Variants in PLCH1 observed in about 807,000 individuals in gnomAD.
The protein encoded by PLCH1 is 1-phosphatidylinositol 4,5-bisphosphate phosphodiesterase eta-1.
A neutral mutation model predicts 126.7 loss-of-function variants in PLCH1; 60 were observed. The observed-to-expected ratio is 0.47, with a 90% CI of 0.38 to 0.59. PLCH1 has a LOEUF of 0.59. Among genes scored for constraint, PLCH1 ranks in the 20% least tolerant of loss-of-function variants. The pLI is 0.00. For missense variants in PLCH1, 1,723 were observed against 2,040.0 expected, an observed-to-expected ratio of 0.84 and a Z score of 2.99; for synonymous variants, 719 against 734.9, an observed-to-expected ratio of 0.98 and a Z score of 0.35.
intron 1 of PLCH1, among the ~76,000 whole-genome samples, chr3:155,706,463 T>C (rs1746679363): frequency 6.6e-6 from 1 of 151,510 alleles, no homozygotes; most frequent in South Asian, 2.1e-4. Flanking sequence ...CTACTAAAAA[T>C]ACAAAAATTA....
At chr3:155,659,302 CTTTTTTTTTTTTTTTTTTTTTTTTTTTTT>C (rs753258422) in intron 2 of PLCH1, among the ~76,000 whole-genome samples, 20 of 30,848 alleles carry the variant, frequency 6.5e-4, no homozygotes, top group Non-Finnish European at 1.2e-3. Flanking sequence ...CTATTCACTT[CTTTTTTTTTTTTTTTTTTTTTTTTTTTTT>C]TTTTTTTTTT....
At chr3:155,488,179 T>C in intron 20 of PLCH1, 72 bp from the exon 21 acceptor site, 1 of 797,160 alleles carries the variant, frequency 1.3e-6, no homozygotes. Flanking sequence ...TGCAACAAAA[T>C]TAAGTATCTG....
intron 1 of PLCH1, among the ~76,000 whole-genome samples, chr3:155,733,416 C>T: frequency 6.6e-6 from 1 of 152,146 alleles, no homozygotes; most frequent in Non-Finnish European, 1.5e-5. Flanking sequence ...AATAAACCTA[C>T]ACCCTTGTGG....
intron 2 of PLCH1, among the ~76,000 whole-genome samples, chr3:155,688,076 T>A (rs544646292): frequency 4.6e-5 from 7 of 152,128 alleles, no homozygotes; most frequent in Non-Finnish European, 1.0e-4. Context: ...TTTTTACCTA[T>A]GAAGACACAA....
chr3:155,691,050 G>A lies in PLCH1; in HGVS notation c.79+13096C>T, dbSNP rs143557996. 4.6e-3 allele frequency among the ~76,000 whole-genome samples: 696 copies of A among 152,266 alleles called. 2 individuals carry two copies. Among genetic ancestry groups the A allele is most frequent in the Middle Eastern group, 0.01 (3 of 294 alleles). ...TTCTCTAGTAGCCTTTGAAGAAAGGGTGTTACAGCTCTTTTAAAACACAAA... is the reference window on the plus strand; with the variant it reads ...TTCTCTAGTAGCCTTTGAAGAAAGGATGTTACAGCTCTTTTAAAACACAAA... On this transcript the variant is annotated intron_variant, in intron 2 of 22. Transcript: ENST00000460012.
chr3:155,590,114 T>C (rs1326825604), intron 4 of PLCH1, among the ~76,000 whole-genome samples: 5 of 152,174 alleles, frequency 3.3e-5, no homozygotes, highest in Non-Finnish European at 7.3e-5. Context: ...TAAGTTACGC[T>C]CTAGACTGGA....
At chr3:155,456,034 T>C (rs1712434549) in intron 21 of PLCH1, among the ~76,000 whole-genome samples, 1 of 152,224 alleles carries the variant, frequency 6.6e-6, no homozygotes. Flanking sequence ...TGGGCCAGTG[T>C]TGTCTGCCCT....
intron 2 of PLCH1, among the ~76,000 whole-genome samples, chr3:155,633,868 C>T (rs893301449): frequency 2.0e-5 from 3 of 152,142 alleles, no homozygotes; most frequent in African/African-American, 7.2e-5. Context: ...TGCAATGAGC[C>T]GCACCACTGC....
intron 11 of PLCH1, among the ~76,000 whole-genome samples, chr3:155,520,370 G>A (rs548324692): frequency 6.6e-5 from 10 of 152,304 alleles, no homozygotes; most frequent in African/African-American, 1.9e-4. Flanking sequence ...TACACATGCA[G>A]ACTGGATAAT....
intron 2 of PLCH1, among the ~76,000 whole-genome samples, chr3:155,605,760 C>T (rs1311908227): frequency 1.3e-5 from 2 of 152,166 alleles, no homozygotes; most frequent in African/African-American, 4.8e-5. Context: ...TTTGTGTGAC[C>T]TTTGCCATTT....
At chr3:155,489,772 T>A (rs1440825428) in intron 19 of PLCH1, among the ~76,000 whole-genome samples, 3 of 152,264 alleles carry the variant, frequency 2.0e-5, no homozygotes, top group African/African-American at 7.2e-5. Context: ...CATAAGTTTC[T>A]GTTTTTCTTC....
intron 2 of PLCH1, among the ~76,000 whole-genome samples, chr3:155,611,260 A>C (rs1735054123): frequency 6.6e-6 from 1 of 151,962 alleles, no homozygotes; most frequent in Non-Finnish European, 1.5e-5. Flanking sequence ...ATCGTGGTGG[A>C]GTCCTGTAAT....
chr3:155,492,652 A>G, intron 18 of PLCH1, 77 bp downstream of exon 18: 1 of 1,336,660 alleles, frequency 7.5e-7, no homozygotes, highest in South Asian at 1.6e-5. Context: ...ATCTCTGAAG[A>G]CATTTCGGAT....
At chr3:155,666,105 A>T (rs960601510) in intron 2 of PLCH1, among the ~76,000 whole-genome samples, 2 of 152,210 alleles carry the variant, frequency 1.3e-5, no homozygotes, top group Non-Finnish European at 2.9e-5. Flanking sequence ...CTATTACAAA[A>T]ATTATTGCAA....
At chr3:155,691,820 T>C (rs901884240) in intron 2 of PLCH1, among the ~76,000 whole-genome samples, 10 of 152,146 alleles carry the variant, frequency 6.6e-5, no homozygotes, top group African/African-American at 2.4e-4. Flanking sequence ...CATCATAGAT[T>C]AATCAAAACA....
chr3:155,524,316 G>C (rs542271897), intron 10 of PLCH1, among the ~76,000 whole-genome samples: 1 of 152,104 alleles, frequency 6.6e-6, no homozygotes, highest in African/African-American at 2.4e-5. Flanking sequence ...GGAGGGTATC[G>C]GGAGTTGTTG....
chr3:155,734,280 G>A (rs1017814921), intron 1 of PLCH1, among the ~76,000 whole-genome samples: 1 of 151,848 alleles, frequency 6.6e-6, no homozygotes, highest in Non-Finnish European at 1.5e-5. Context: ...GCAACATAGT[G>A]AGACCTGGTC....
chr3:155,716,187 T>C (rs1559959376), intron 1 of PLCH1, among the ~76,000 whole-genome samples: 1 of 152,256 alleles, frequency 6.6e-6, no homozygotes, highest in Non-Finnish European at 1.5e-5. Context: ...TCTAGTTTAA[T>C]TCCACTGTGG....
chr3:155,589,853 T>C (rs766172212), intron 4 of PLCH1, among the ~76,000 whole-genome samples: 5 of 152,220 alleles, frequency 3.3e-5, no homozygotes, highest in Non-Finnish European at 5.9e-5. Flanking sequence ...AAGGACTATA[T>C]ATAATCAACT....
Sources: allele counts gnomAD v4.1 joint callset (sites outside exome capture counted in the v4.1 genomes callset), GRCh38; gene constraint gnomAD v4.1.1; transcripts MANE v1.5; gene names NCBI Gene and HGNC (gene_info 2026-07-23, HGNC 2026-07-21).